Variants in ADCY8 observed in about 807,000 individuals in gnomAD.
ADCY8 encodes the protein adenylate cyclase 8, also known as adenylate cyclase type 8.
In ADCY8, 51 loss-of-function variants were observed where a neutral mutation model predicts 119.7. The observed-to-expected ratio is 0.43, with a 90% confidence interval of 0.34 to 0.54. The LOEUF (loss-of-function observed/expected upper bound fraction) is 0.54, where lower values mean the gene tolerates loss of function less well. ADCY8 is among the 20% of genes least tolerant of loss of function. The pLI, the probability that ADCY8 is intolerant of heterozygous loss-of-function variation, is 0.03. For missense variants in ADCY8, 1,383 were observed against 1,598.8 expected, an observed-to-expected ratio of 0.87 and a Z score of 2.30; for synonymous variants, 665 against 651.0, an observed-to-expected ratio of 1.02 and a Z score of -0.33.
In ADCY8 at chr8:130,905,962, C is replaced by G. The variant is rs1019075540; in HGVS notation, c.1641-1920G>C. 3.9e-5 allele frequency among the ~76,000 whole-genome samples: 6 copies of G among 152,220 alleles called. No homozygotes were observed. In the South Asian group the frequency reaches 1.2e-3, roughly 32 times the overall value. On this transcript the variant is annotated intron_variant, in intron 6 of 17. Coordinates refer to ENST00000286355, the MANE Select transcript of ADCY8 (RefSeq NM_001115.3). ...TTCTAACCCATTCTGCTAAATCCCT[C>G]CTTACAGAAAGAATAGTTCATTGCA...
At chr8:130,807,983 C>A (rs1586433127) in intron 14 of ADCY8, among the ~76,000 whole-genome samples, 4 of 47,238 alleles carry the variant, frequency 8.5e-5, no homozygotes, top group South Asian at 2.0e-3. Flanking sequence ...GACTCCGTCT[C>A]AAAAAAAAAA....
intron 1 of ADCY8, among the ~76,000 whole-genome samples, chr8:131,004,952 C>T (rs910076498): frequency 6.6e-6 from 1 of 152,172 alleles, no homozygotes; most frequent in African/African-American, 2.4e-5. Flanking sequence ...CAAAACTCCA[C>T]CTCTGAGAGC....
chr8:130,996,922 C>T (rs1822796012), intron 1 of ADCY8, among the ~76,000 whole-genome samples: 1 of 152,086 alleles, frequency 6.6e-6, no homozygotes, highest in South Asian at 2.1e-4. Flanking sequence ...GACCCACTGA[C>T]CCAACCTCTA....
chr8:130,932,904 G>A (rs1313335819), intron 5 of ADCY8, among the ~76,000 whole-genome samples: 1 of 152,154 alleles, frequency 6.6e-6, no homozygotes, highest in African/African-American at 2.4e-5. Flanking sequence ...AGAGACTAGG[G>A]TCATTTTGAG....
chr8:130,864,933 A>G (rs1818063075), intron 9 of ADCY8, among the ~76,000 whole-genome samples: 1 of 152,072 alleles, frequency 6.6e-6, no homozygotes, highest in African/African-American at 2.4e-5. Flanking sequence ...TTCATATTGT[A>G]TCAGGTAATA....
At chr8:130,943,279 C>T (rs1334935241) in intron 4 of ADCY8, 72 bp downstream of exon 4, 34 of 1,112,578 alleles carry the variant, frequency 3.1e-5, no homozygotes, top group Non-Finnish European at 3.9e-5. Flanking sequence ...AGGCTGAATC[C>T]TTCTCTTTCC....
chr8:130,959,973 TCAA>T (rs1384919129), intron 2 of ADCY8, among the ~76,000 whole-genome samples: 1 of 152,196 alleles, frequency 6.6e-6, no homozygotes, highest in Non-Finnish European at 1.5e-5. Context: ...TAGATTTTTT[TCAA>T]CATCATTCCA....
intron 14 of ADCY8, among the ~76,000 whole-genome samples, chr8:130,812,799 T>C (rs1313737048): frequency 6.6e-6 from 1 of 152,260 alleles, no homozygotes; most frequent in South Asian, 2.1e-4. Context: ...TGTATGTATA[T>C]GTGCATATAT....
At chr8:130,844,514 A>G (rs1051842516) in intron 11 of ADCY8, among the ~76,000 whole-genome samples, 1 of 152,196 alleles carries the variant, frequency 6.6e-6, no homozygotes, top group Non-Finnish European at 1.5e-5. Flanking sequence ...TATACATTTG[A>G]AGAAACTGAG....
chr8:130,885,072 G>C (rs1251859509), intron 7 of ADCY8, among the ~76,000 whole-genome samples: 1 of 152,084 alleles, frequency 6.6e-6, no homozygotes, highest in African/African-American at 2.4e-5. Flanking sequence ...GGCACAACCT[G>C]GGTATGAGAG....
intron 7 of ADCY8, among the ~76,000 whole-genome samples, chr8:130,903,421 C>T (rs933526601): frequency 6.7e-6 from 1 of 150,234 alleles, no homozygotes; most frequent in Non-Finnish European, 1.5e-5. Flanking sequence ...TGATCCTCCC[C>T]TTTAGTTTAA....
Position 130,853,272 on chromosome 8 carries a change from C to A in ADCY8, c.2211-3469G>T, listed in dbSNP as rs542262907. ...GGCCATCTCTTCTCTTTGGCCAGGG[C>A]ATCTCTGCCTTTAAGGAAGAAAGCC... On this transcript the variant is annotated intron_variant, in intron 9 of 17. Coordinates refer to ENST00000286355, the MANE Select transcript of ADCY8 (RefSeq NM_001115.3). Among the ~76,000 whole-genome samples, 170 of 152,380 alleles carry A rather than the reference C, an allele frequency of 1.1e-3. 1 individual carries two copies. The Middle Eastern group carries it at 0.017, about 15-fold the overall frequency.
chr8:130,862,902 G>A (rs72712495), intron 9 of ADCY8, among the ~76,000 whole-genome samples: 14,083 of 152,160 alleles, frequency 0.093, 698 homozygotes, highest in African/African-American at 0.11. Context: ...GTGTATTATG[G>A]CCCAGAATGG....
intron 8 of ADCY8, among the ~76,000 whole-genome samples, chr8:130,877,787 C>T (rs978044067): frequency 6.6e-6 from 1 of 152,114 alleles, no homozygotes; most frequent in African/African-American, 2.4e-5. Flanking sequence ...TTAAACACAT[C>T]TCAGAGGCCA....
At chr8:130,796,511 A>G (rs983785006) in intron 15 of ADCY8, among the ~76,000 whole-genome samples, 1 of 152,168 alleles carries the variant, frequency 6.6e-6, no homozygotes, top group Non-Finnish European at 1.5e-5. Context: ...TAATTATATC[A>G]GCAAGAAGAG....
chr8:130,924,794 A>G (rs931158167), intron 5 of ADCY8, among the ~76,000 whole-genome samples: 5 of 152,196 alleles, frequency 3.3e-5, no homozygotes, highest in African/African-American at 1.2e-4. Flanking sequence ...TGCTGCAGAC[A>G]TACTTAGTTC....
chr8:130,793,151 T>A (rs986897821), intron 15 of ADCY8, among the ~76,000 whole-genome samples: 16 of 152,162 alleles, frequency 1.1e-4, no homozygotes, highest in African/African-American at 3.9e-4. Context: ...TCCTCAGGGC[T>A]TAGAACGTGG....
chr8:130,876,765 CT>C (rs993027854), intron 8 of ADCY8, among the ~76,000 whole-genome samples: 5 of 151,860 alleles, frequency 3.3e-5, no homozygotes, highest in Non-Finnish European at 5.9e-5. Flanking sequence ...ATGGTTTTAA[CT>C]TTTTTTTGGT....
At chr8:130,865,058 T>C (rs1014150985) in intron 9 of ADCY8, among the ~76,000 whole-genome samples, 1 of 152,146 alleles carries the variant, frequency 6.6e-6, no homozygotes, top group Non-Finnish European at 1.5e-5. Context: ...ATTCCTCTAG[T>C]GTATTAGTTT....
Sources: gnomAD v4.1 joint callset for allele counts (sites outside exome capture counted in the v4.1 genomes callset) on GRCh38, gnomAD v4.1.1 for gene constraint, MANE v1.5 for transcripts, NCBI Gene and HGNC (gene_info 2026-07-23, HGNC 2026-07-21) for gene names.